Variants in PITPNM2 observed in about 807,000 individuals in gnomAD.
PITPNM2 encodes the protein membrane-associated phosphatidylinositol transfer protein 2.
PITPNM2 carries 35 observed loss-of-function variants against 132.2 expected under a neutral mutation model. The observed-to-expected ratio is 0.26, with a 90% CI of 0.20 to 0.35. The LOEUF is 0.35. Ranked by LOEUF, PITPNM2 falls within the 10% of genes least tolerant of loss-of-function variation. The pLI, the probability that PITPNM2 is intolerant of heterozygous loss-of-function variation, is 1.00. For missense variants in PITPNM2, 1,332 were observed against 1,912.0 expected (o/e 0.70, Z 5.66); for synonymous variants, 738 against 799.2 (o/e 0.92, Z 1.29).
chr12:123,133,509 C>G (rs1174193743), intron 1 of PITPNM2, among the ~76,000 whole-genome samples: 2 of 152,152 alleles, frequency 1.3e-5, no homozygotes. Context: ...ACAGGCAGGG[C>G]TGTGAATCTG....
chr12:123,068,723 A>G (rs1457600951), intron 2 of PITPNM2, among the ~76,000 whole-genome samples: 2 of 152,172 alleles, frequency 1.3e-5, no homozygotes, highest in African/African-American at 4.8e-5. Flanking sequence ...CTTTAGGACT[A>G]TGACCAAGGG....
At chr12:123,014,977 A>C (rs1430345975) in intron 3 of PITPNM2, among the ~76,000 whole-genome samples, 1 of 152,254 alleles carries the variant, frequency 6.6e-6, no homozygotes, top group East Asian at 1.9e-4. Flanking sequence ...AATATATTTA[A>C]CCAAAGAGGT....
At chr12:123,110,337 C>G (rs928993790) in intron 2 of PITPNM2, 48 bp downstream of exon 2, 9 of 152,290 alleles carry the variant, frequency 5.9e-5, no homozygotes, top group African/African-American at 2.2e-4. Flanking sequence ...GCCTGCAGGG[C>G]CTCAGCTCTG....
At chr12:123,019,498 C>A (rs1256771168) in intron 3 of PITPNM2, among the ~76,000 whole-genome samples, 1 of 152,232 alleles carries the variant, frequency 6.6e-6, no homozygotes, top group African/African-American at 2.4e-5. Context: ...GAGGGCCCTG[C>A]CACTCAGCCA....
At chr12:123,104,597 C>T (rs964881043) in intron 2 of PITPNM2, among the ~76,000 whole-genome samples, 30 of 152,044 alleles carry the variant, frequency 2.0e-4, no homozygotes, top group African/African-American at 6.8e-4. Flanking sequence ...GAGCACCTTG[C>T]GACCCCCACT....
intron 2 of PITPNM2, among the ~76,000 whole-genome samples, chr12:123,104,019 GT>G (rs2042630981): frequency 6.6e-6 from 1 of 152,160 alleles, no homozygotes; most frequent in East Asian, 1.9e-4. Flanking sequence ...GAACCTCCGG[GT>G]TCAAGCAATT....
At chr12:123,024,650 T>G (rs1186956180) in intron 3 of PITPNM2, among the ~76,000 whole-genome samples, 1 of 152,216 alleles carries the variant, frequency 6.6e-6, no homozygotes, top group African/African-American at 2.4e-5. Flanking sequence ...AATATTATGC[T>G]GAGTGAAAGA....
Position 122,985,963 on chromosome 12 carries a change from C to G in PITPNM2, c.*64G>C. ...GTCAGTGCGTGTGCCCAGGCCAGGC[C>G]TCCTGGCGGGGCTGGCCACCCTGGC... On this transcript the variant is annotated 3_prime_UTR_variant, in exon 26 of 26. Coordinates refer to ENST00000320201, the MANE Select transcript of PITPNM2 (RefSeq NM_020845.3). 7.5e-7 allele frequency: 1 copy of G among 1,334,134 alleles called. No homozygotes were observed. The allele number at this position is 1,334,134 out of a possible 1,614,324, so 82.6% of individuals were successfully genotyped here.
At chr12:123,049,601 C>T (rs1311388434) in intron 2 of PITPNM2, among the ~76,000 whole-genome samples, 4 of 152,196 alleles carry the variant, frequency 2.6e-5, no homozygotes, top group Non-Finnish European at 1.5e-5. Flanking sequence ...ATGCCATGCC[C>T]TCCCTGTCCC....
intron 1 of PITPNM2, among the ~76,000 whole-genome samples, chr12:123,145,973 T>A (rs1364742229): frequency 6.6e-6 from 1 of 152,022 alleles, no homozygotes; most frequent in Non-Finnish European, 1.5e-5. Context: ...TACTATACAG[T>A]CATAAAAAAG....
chr12:123,014,978 C>T (rs930895787), intron 3 of PITPNM2, among the ~76,000 whole-genome samples: 5 of 152,100 alleles, frequency 3.3e-5, no homozygotes, highest in Non-Finnish European at 5.9e-5. Context: ...ATATATTTAA[C>T]CAAAGAGGTG....
intron 3 of PITPNM2, among the ~76,000 whole-genome samples, chr12:123,030,860 A>G: frequency 6.6e-6 from 1 of 152,136 alleles, no homozygotes; most frequent in Non-Finnish European, 1.5e-5. Flanking sequence ...AATCCCAACA[A>G]CATGACACTG....
intron 2 of PITPNM2, among the ~76,000 whole-genome samples, chr12:123,085,191 C>CAAA (rs2137049655): frequency 6.6e-6 from 1 of 152,302 alleles, no homozygotes; most frequent in East Asian, 1.9e-4. Flanking sequence ...ACAGGTAGAT[C>CAAA]CAGGAGCTGA....
Position 123,078,444 on chromosome 12 carries a change from C to T in PITPNM2, c.-96+31941G>A, listed in dbSNP as rs1379837796. 1.3e-5 allele frequency among the ~76,000 whole-genome samples: 2 copies of T among 152,198 alleles called. No homozygotes were observed. Among genetic ancestry groups the T allele is most frequent in the Non-Finnish European group, 2.9e-5 (2 of 68,030 alleles). On this transcript the variant is annotated intron_variant, in intron 2 of 25. Coordinates refer to ENST00000320201, the MANE Select transcript of PITPNM2 (RefSeq NM_020845.3). This position sits in a 1 kb window ranked among gnomAD's most constrained non-coding sequence, Gnocchi z 7.3. ...TGCTCCGCTGCCCCAAGAGCCTGGG[C>T]CCTCCGTCTCACGCCACGATGCCCA...
intron 23 of PITPNM2, 68 bp downstream of exon 23, chr12:122,987,213 T>C (rs201558368): frequency 3.0e-5 from 47 of 1,590,686 alleles, no homozygotes; most frequent in Non-Finnish European, 3.9e-5. Context: ...CTCCTCCACC[T>C]GGCTGGTGGG....
chr12:123,105,004 C>T (rs1314965431), intron 2 of PITPNM2, among the ~76,000 whole-genome samples: 4 of 152,220 alleles, frequency 2.6e-5, no homozygotes, highest in Middle Eastern at 3.4e-3. Context: ...CCTGATCTAA[C>T]GGGGCCCTCA....
chr12:123,148,594 A>G (rs1329884882), intron 1 of PITPNM2, among the ~76,000 whole-genome samples: 1 of 152,256 alleles, frequency 6.6e-6, no homozygotes, highest in East Asian at 1.9e-4. Flanking sequence ...GCCTCTAGAC[A>G]CGGAGGAAGG....
In PITPNM2 at chr12:123,013,935, C is replaced by A; in HGVS notation, c.186G>T (p.Val62=). Residue 62 remains valine, a synonymous_variant, in exon 4 of 26, where the codon GTG becomes GTT. Coordinates refer to ENST00000320201, the MANE Select transcript of PITPNM2 (RefSeq NM_020845.3). ...TGGGAATGTGCATGCCCACATGATA[C>A]ACCTTGTGTGTGTACTGCCCAGAGC... is the stretch of plus-strand genomic sequence containing the variant. ...PGGSGQYTHK[V]YHVGMHIPSW... is the part of the protein sequence containing the mutation. 1.9e-6 allele frequency: 3 copies of A among 1,614,282 alleles called. No individual in the cohort carries two copies. Among genetic ancestry groups the A allele is most frequent in the Non-Finnish European group, 2.5e-6 (3 of 1,180,048 alleles).
At chr12:123,093,483 C>T (rs184022201) in intron 2 of PITPNM2, among the ~76,000 whole-genome samples, 39 of 138,302 alleles carry the variant, frequency 2.8e-4, no homozygotes, top group African/African-American at 1.2e-3. Context: ...CACACACACA[C>T]GCGCACACAC....
Sources: gnomAD v4.1 joint callset for allele counts (sites outside exome capture counted in the v4.1 genomes callset) on GRCh38, gnomAD v4.1.1 for gene constraint, Gnocchi (gnomAD v3.1) non-coding constraint, MANE v1.5 for transcripts, NCBI Gene and HGNC (gene_info 2026-07-23, HGNC 2026-07-21) for gene names.